The following GRID2 variants were observed in gnomAD, a reference collection of about 807,000 sequenced individuals.
The protein encoded by GRID2 is glutamate ionotropic receptor delta type subunit 2.
Under a neutral mutation model 114.8 loss-of-function variants are expected in GRID2, and 33 were observed. The ratio of observed to expected loss-of-function variants is 0.29; its 90% confidence interval spans 0.22 to 0.38. The LOEUF (loss-of-function observed/expected upper bound fraction) is 0.38. Ranked by LOEUF, GRID2 falls within the 10% of genes least tolerant of loss-of-function variation. The pLI is 1.00. For missense variants in GRID2, 1,184 were observed against 1,257.7 expected (o/e 0.94, Z 0.89); for synonymous variants, 505 against 449.9 (o/e 1.12, Z -1.55).
chr4:93,530,408 A>G (rs1274623546), intron 13 of GRID2, among the ~76,000 whole-genome samples: 1 of 152,120 alleles, frequency 6.6e-6, no homozygotes, highest in Non-Finnish European at 1.5e-5. Flanking sequence ...CTTCCCTTTC[A>G]CATGCCATAC....
intron 2 of GRID2, among the ~76,000 whole-genome samples, chr4:92,693,418 T>C (rs188811913): frequency 2.6e-5 from 4 of 152,358 alleles, no homozygotes; most frequent in Non-Finnish European, 5.9e-5. Flanking sequence ...GTTTTGCATC[T>C]GTTTTTCCAG....
Position 92,628,722 on chromosome 4 carries a change from T to A in GRID2, c.244+38436T>A, listed in dbSNP as rs541926784. On this transcript the variant is annotated intron_variant, in intron 2 of 15. Transcript: ENST00000282020. ...TTTCATCCATGCCTGCACCCATAAC[T>A]TCCACAGGGACTCATGCCTCCAATC... 2.6e-5 allele frequency among the ~76,000 whole-genome samples: 4 copies of A among 152,244 alleles called. No homozygotes were observed. The South Asian group carries it at 8.3e-4, about 32-fold the overall frequency.
chr4:93,547,568 T>C (rs1227731556), intron 13 of GRID2, among the ~76,000 whole-genome samples: 1 of 152,160 alleles, frequency 6.6e-6, no homozygotes, highest in African/African-American at 2.4e-5. Flanking sequence ...TGTTTCTCTC[T>C]CGGGCCACAT....
intron 2 of GRID2, among the ~76,000 whole-genome samples, chr4:92,875,676 G>A (rs1413298493): frequency 6.6e-6 from 1 of 152,032 alleles, no homozygotes; most frequent in African/African-American, 2.4e-5. Flanking sequence ...GCTGAATTTT[G>A]GGAAACACTG....
At chr4:93,151,405 G>A (rs2149397505) in intron 4 of GRID2, among the ~76,000 whole-genome samples, 1 of 152,064 alleles carries the variant, frequency 6.6e-6, no homozygotes, top group East Asian at 2.0e-4. Flanking sequence ...GGAGAAATAT[G>A]AAGGCATTTA....
intron 11 of GRID2, among the ~76,000 whole-genome samples, chr4:93,459,519 TAAGG>T (rs1261345578): frequency 1.3e-5 from 2 of 152,144 alleles, no homozygotes; most frequent in African/African-American, 4.8e-5. Context: ...TGTGAATAAA[TAAGG>T]AAGGATGACA....
At chr4:92,710,591 C>T (rs1053304685) in intron 2 of GRID2, among the ~76,000 whole-genome samples, 1 of 152,208 alleles carries the variant, frequency 6.6e-6, no homozygotes, top group Non-Finnish European at 1.5e-5. Flanking sequence ...GGCTACTGTA[C>T]TTCTGTGCTA....
Position 93,244,435 on chromosome 4 carries a change from T to G in GRID2, c.1245+5945T>G, listed in dbSNP as rs183659362. ...TAAATTCACAAAGTCTACAACTTTG[T>G]GTTCTTGGGCAAACCTAATGTACTG... On this transcript the variant is annotated intron_variant, in intron 8 of 15. Transcript: ENST00000282020. Among the ~76,000 whole-genome samples the G allele has an allele frequency of 1.1e-3, 169 of 150,768 alleles. 3 individuals carry two copies. Among genetic ancestry groups the G allele is most frequent in the African/African-American group, 4.0e-3 (167 of 41,292 alleles).
chr4:92,851,330 A>G lies in GRID2; in HGVS notation c.245-233665A>G, dbSNP rs1054586610. Reference sequence around the variant, plus strand: ...ATGACATGGTAATTTGACCATTTCTATCTCACCAGAAAAACATTTCTATTA... The same window carrying G: ...ATGACATGGTAATTTGACCATTTCTGTCTCACCAGAAAAACATTTCTATTA... On this transcript the variant is annotated intron_variant, in intron 2 of 15. Transcript: ENST00000282020. Among the ~76,000 whole-genome samples, 4 of 151,924 alleles carry G rather than the reference A, an allele frequency of 2.6e-5. No individual in the cohort carries two copies. In the Admixed American group the frequency reaches 2.6e-4, roughly 10 times the overall value.
intron 8 of GRID2, among the ~76,000 whole-genome samples, chr4:93,247,371 C>T (rs2149525725): frequency 6.6e-6 from 1 of 152,214 alleles, no homozygotes; most frequent in East Asian, 1.9e-4. Context: ...TTACCTCACC[C>T]ATACGGATAG....
chr4:92,656,559 A>G (rs1732245562), intron 2 of GRID2, among the ~76,000 whole-genome samples: 1 of 151,782 alleles, frequency 6.6e-6, no homozygotes, highest in Admixed American at 6.6e-5. Flanking sequence ...GCACATGGTT[A>G]ACAATTACAG....
At chr4:93,284,080 T>A (rs775972563) in intron 8 of GRID2, among the ~76,000 whole-genome samples, 1 of 152,066 alleles carries the variant, frequency 6.6e-6, no homozygotes, top group Non-Finnish European at 1.5e-5. Flanking sequence ...AGATGACAGA[T>A]TTTCTACTTT....
At chr4:93,302,730 C>A in intron 8 of GRID2, 2 of 366,578 alleles carry the variant, frequency 5.5e-6, no homozygotes, top group Non-Finnish European at 1.1e-5. Flanking sequence ...CTATTTTATG[C>A]TCATTTCCTA....
At chr4:93,138,879 G>A (rs1417453898) in intron 4 of GRID2, among the ~76,000 whole-genome samples, 1 of 152,100 alleles carries the variant, frequency 6.6e-6, no homozygotes, top group African/African-American at 2.4e-5. Context: ...ACCTGAAATC[G>A]GGTCACAGTT....
At chr4:93,615,311 T>A (rs1399045733) in intron 13 of GRID2, among the ~76,000 whole-genome samples, 1 of 152,232 alleles carries the variant, frequency 6.6e-6, no homozygotes, top group East Asian at 1.9e-4. Context: ...TCCACCATTT[T>A]TAAACACTCT....
intron 1 of GRID2, among the ~76,000 whole-genome samples, chr4:92,577,071 A>G (rs1727931288): frequency 6.6e-6 from 1 of 152,222 alleles, no homozygotes; most frequent in African/African-American, 2.4e-5. Context: ...AATAGGCTTC[A>G]GAAGCATAGC....
intron 1 of GRID2, among the ~76,000 whole-genome samples, chr4:92,554,419 G>A (rs1417713717): frequency 1.3e-5 from 2 of 152,088 alleles, no homozygotes; most frequent in African/African-American, 2.4e-5. Flanking sequence ...CGAGTATAAA[G>A]CTTGCTGAAG....
intron 9 of GRID2, among the ~76,000 whole-genome samples, chr4:93,401,970 G>C (rs1765937561): frequency 6.7e-6 from 1 of 150,008 alleles, no homozygotes; most frequent in Non-Finnish European, 1.5e-5. Flanking sequence ...ATGGGCACCA[G>C]AGTCTTAATT....
At chr4:93,734,394 G>A (rs773621530) in intron 14 of GRID2, among the ~76,000 whole-genome samples, 6 of 152,060 alleles carry the variant, frequency 3.9e-5, no homozygotes, top group Non-Finnish European at 7.4e-5. Context: ...AATCTGGTAA[G>A]ATAAAACAAG....
Sources: allele counts gnomAD v4.1 joint callset (sites outside exome capture counted in the v4.1 genomes callset), GRCh38; gene constraint gnomAD v4.1.1; transcripts MANE v1.5; gene names NCBI Gene and HGNC (gene_info 2026-07-23, HGNC 2026-07-21).